Variants in BRD1 observed in about 807,000 individuals in gnomAD.
The protein encoded by BRD1 is bromodomain containing 1.
BRD1 carries 24 observed loss-of-function variants against 107.7 expected under a neutral mutation model. The ratio of observed to expected loss-of-function variants is 0.22; its 90% CI spans 0.16 to 0.31. The LOEUF (loss-of-function observed/expected upper bound fraction) is 0.31, where lower values mean the gene tolerates loss of function less well. Ranked by LOEUF, BRD1 falls within the 10% of genes least tolerant of loss-of-function variation. The pLI is 1.00. For missense variants in BRD1, 1,279 were observed against 1,638.6 expected, an observed-to-expected ratio of 0.78 and a Z score of 3.79; for synonymous variants, 744 against 686.1, an observed-to-expected ratio of 1.08 and a Z score of -1.32.
rs749974054 is a variant in BRD1 at position 49,804,340 on chromosome 22, T to C, written c.1388A>G (p.Gln463Arg). The change falls in exon 3 of 13, where the codon CAG becomes CGG. Residue 463 changes from glutamine (Q) to arginine (R), a missense_variant. Gln to Arg is a conservative substitution (Grantham distance 43, BLOSUM62 1). Transcript: ENST00000404760. ...PPQRLNRIAN[Q>R]VAIQRKKQFV... ...CTGCTTCTTCCGCTGAATGGCCACC[T>C]GATTCGCAATCCTATTTAACCTAAA... 7 of 1,607,604 alleles carry C rather than the reference T, an allele frequency of 4.4e-6. No individual in the cohort carries two copies. Among genetic ancestry groups the C allele is most frequent in the Non-Finnish European group, 6.0e-6 (7 of 1,176,328 alleles).
At position 49,797,988 on chromosome 22, in the gene BRD1, T is replaced by A. The variant is rs142842188; in HGVS notation, c.1915A>T (p.Met639Leu). Residue 639 changes from methionine to leucine, a missense_variant, in exon 6 of 13, where the codon ATG becomes TTG. Met to Leu is a conservative substitution (Grantham distance 15). Around this residue, in one of 7 missense-constraint regions of BRD1, gnomAD observed 406 missense variants for 519.4 expected, o/e 0.78. Coordinates refer to ENST00000404760, the MANE Select transcript of BRD1 (RefSeq NM_001304808.3). ...ACGGTGTCCCTGGCATTGTACTTCA[T>A]GCAGTTATCTATAATGAGATCAAAA... ...EDFDLIIDNC[M>L]KYNARDTVFY... The A allele has an allele frequency of 1.2e-6, 2 of 1,614,120 alleles. No homozygotes were observed. Among genetic ancestry groups the A allele is most frequent in the African/African-American group, 2.7e-5 (2 of 74,934 alleles).
rs549794787 is a variant in BRD1 at position 49,776,833 on chromosome 22, G to A, written c.3121+201C>T. Among the ~76,000 whole-genome samples the A allele has an allele frequency of 4.4e-4, 67 of 152,242 alleles. No homozygotes were observed. The South Asian group carries it at 0.012, about 28-fold the overall frequency. ...GAAACGAAGGCAGGATGGAGGAGGC[G>A]CCACCTCCGCAGGCACCCCGGCAGG... On this transcript the variant is annotated intron_variant, in intron 10 of 12. Coordinates refer to ENST00000404760, the MANE Select transcript of BRD1 (RefSeq NM_001304808.3).
At chr22:49,781,902 G>A (rs1490794367) in intron 8 of BRD1, among the ~76,000 whole-genome samples, 1 of 151,952 alleles carries the variant, frequency 6.6e-6, no homozygotes, top group Non-Finnish European at 1.5e-5. Flanking sequence ...TGCAGCCGGG[G>A]ACGGTCAGAG....
Position 49,798,696 on chromosome 22 carries a change from C to G in BRD1, c.1657-10G>C, listed in dbSNP as rs1277561849. On this transcript the variant is annotated splice_polypyrimidine_tract_variant and intron_variant, in intron 4 of 12. Transcript: ENST00000404760. ...CCTGCTCCACCTTCACCTGGGGGGGCCCAGCAGAGCCTCAGCTTTAGGGAG... is the reference window on the plus strand; with the variant it reads ...CCTGCTCCACCTTCACCTGGGGGGGGCCAGCAGAGCCTCAGCTTTAGGGAG... 8 of 1,587,536 alleles carry G rather than the reference C, an allele frequency of 5.0e-6. No individual in the cohort carries two copies. In the Admixed American group the frequency reaches 8.8e-5, roughly 17 times the overall value.
chr22:49,774,586 C>CCCT (rs1258515228), intron 12 of BRD1, among the ~76,000 whole-genome samples, 170 bp from the exon 13 acceptor site: 1 of 152,018 alleles, frequency 6.6e-6, no homozygotes, highest in East Asian at 1.9e-4. Context: ...AGGAGTGCAC[C>CCCT]CCTCCCTTCC....
rs142842188 is a variant in BRD1, at chr22:49,797,988, T to C, written c.1915A>G (p.Met639Val). ...EDFDLIIDNC[M>V]KYNARDTVFY... ...ACGGTGTCCCTGGCATTGTACTTCA[T>C]GCAGTTATCTATAATGAGATCAAAA... Residue 639 changes from methionine to valine, a missense_variant, in exon 6 of 13, where the codon ATG becomes GTG. Met to Val is a conservative substitution (Grantham distance 21). This residue lies in a region of BRD1 where 406 missense variants were observed against 519.4 expected (regional missense o/e 0.78). Transcript: ENST00000404760. The C allele has an allele frequency of 1.9e-6, 3 of 1,614,238 alleles. No individual in the cohort carries two copies. The highest frequency in any genetic ancestry group is 2.2e-5 in the East Asian group (1 of 44,894).
chr22:49,785,807 T>C (rs1601626919), intron 8 of BRD1, among the ~76,000 whole-genome samples: 1 of 152,344 alleles, frequency 6.6e-6, no homozygotes, highest in Non-Finnish European at 1.5e-5. Flanking sequence ...AGAAATTACT[T>C]TGGCAACAAG....
intron 2 of BRD1, among the ~76,000 whole-genome samples, chr22:49,812,362 T>A (rs183433377): frequency 2.0e-5 from 3 of 152,344 alleles, no homozygotes; most frequent in Admixed American, 2.0e-4. Context: ...GAAATAAATC[T>A]AATAGACTTT....
At chr22:49,811,084 G>A (rs764067869) in intron 2 of BRD1, among the ~76,000 whole-genome samples, 60 of 152,144 alleles carry the variant, frequency 3.9e-4, no homozygotes, top group Non-Finnish European at 5.7e-4. Context: ...ATGGCACACC[G>A]ACCCAGGGGG....
intron 8 of BRD1, among the ~76,000 whole-genome samples, chr22:49,778,295 G>C (rs1296790667): frequency 6.6e-6 from 1 of 152,190 alleles, no homozygotes; most frequent in East Asian, 1.9e-4. Flanking sequence ...TAGGAAATCA[G>C]GTTTTAAAAA....
intron 12 of BRD1, 36 bp downstream of exon 12, chr22:49,775,555 C>T (rs749001071): frequency 2.8e-6 from 4 of 1,412,436 alleles, no homozygotes; most frequent in African/African-American, 1.5e-5. Flanking sequence ...CCAACCACCC[C>T]AGCCGGTCCC....
At chr22:49,786,439 C>T (rs1381437649) in intron 8 of BRD1, among the ~76,000 whole-genome samples, 1 of 152,194 alleles carries the variant, frequency 6.6e-6, no homozygotes, top group Non-Finnish European at 1.5e-5. Context: ...ACACCCTCAC[C>T]GAGGAATTCA....
chr22:49,805,297 G>A (rs1227145514), intron 2 of BRD1, among the ~76,000 whole-genome samples: 2 of 152,210 alleles, frequency 1.3e-5, no homozygotes, highest in South Asian at 2.1e-4. Flanking sequence ...CTCAAGCGTG[G>A]AGCCTGCAGG....
Position 49,776,171 on chromosome 22 carries a change from G to T in BRD1, c.3122-12C>A. 6.3e-7 allele frequency: 1 copy of T among 1,599,780 alleles called. No homozygotes were observed. On this transcript the variant is annotated splice_polypyrimidine_tract_variant and intron_variant, in intron 10 of 12. Coordinates refer to ENST00000404760, the MANE Select transcript of BRD1 (RefSeq NM_001304808.3). ...GCTCTGGCCGACTTCTGCGGAGAGGGGCGTCAGCAGGACACAGGCGTCAGC... is the reference window on the plus strand; with the variant it reads ...GCTCTGGCCGACTTCTGCGGAGAGGTGCGTCAGCAGGACACAGGCGTCAGC...
chr22:49,799,488 G>A (rs2059600915), intron 3 of BRD1, among the ~76,000 whole-genome samples: 1 of 152,236 alleles, frequency 6.6e-6, no homozygotes, highest in Non-Finnish European at 1.5e-5. Context: ...GGGGACCCTT[G>A]AGGACCCACC....
chr22:49,798,704 A>G lies in BRD1; in HGVS notation c.1657-18T>C. On this transcript the variant is annotated intron_variant, in intron 4 of 12. Transcript: ENST00000404760. ...ACCTTCACCTGGGGGGGCCCAGCAG[A>G]GCCTCAGCTTTAGGGAGCCGCACAT... 6.3e-7 allele frequency: 1 copy of G among 1,581,176 alleles called. No individual in the cohort carries two copies. Among genetic ancestry groups the G allele is most frequent in the South Asian group, 1.1e-5 (1 of 88,086 alleles).
chr22:49,798,443 G>T (rs1475797349), intron 5 of BRD1, 115 bp downstream of exon 5: 4 of 1,494,994 alleles, frequency 2.7e-6, no homozygotes, highest in Non-Finnish European at 3.7e-6. Flanking sequence ...AAATAAAAAC[G>T]AGAATTAAGA....
intron 2 of BRD1, among the ~76,000 whole-genome samples, chr22:49,820,087 C>T (rs149049127): frequency 1.2e-3 from 181 of 151,892 alleles, no homozygotes; most frequent in African/African-American, 4.2e-3. Flanking sequence ...CCAAGATCAC[C>T]GCACTGCACT....
In BRD1 at chr22:49,797,831, G is replaced by T. The variant is rs200560894; in HGVS notation, c.2072C>A (p.Pro691Gln). The T allele has an allele frequency of 1.2e-6, 2 of 1,605,940 alleles. No homozygotes were observed. The highest frequency in any genetic ancestry group is 2.7e-5 in the African/African-American group (2 of 74,930). ...MHLPERPAAAPRRPFSWEDVD... is the reference protein window; with the variant it reads ...MHLPERPAAAQRRPFSWEDVD... ...GTCTTCCCAGGAGAAAGGCCGCCGCGGTGCCGCAGCAGGCCGCTCAGGCAG... is the reference window on the plus strand; with the variant it reads ...GTCTTCCCAGGAGAAAGGCCGCCGCTGTGCCGCAGCAGGCCGCTCAGGCAG... Residue 691 changes from proline to glutamine, a missense_variant, in exon 6 of 13, where the codon CCG becomes CAG. Physicochemically the swap from Pro to Gln is moderately conservative, Grantham distance 76. This residue lies in a region of BRD1 where 406 missense variants were observed against 519.4 expected (regional missense o/e 0.78). Transcript: ENST00000404760.
Sources: gnomAD v4.1 joint callset for allele counts (sites outside exome capture counted in the v4.1 genomes callset) on GRCh38, gnomAD v4.1.1 for gene constraint, gnomAD v4.1.1 regional missense constraint, MANE v1.5 for transcripts, NCBI Gene and HGNC (gene_info 2026-07-23, HGNC 2026-07-21) for gene names.